The following FSTL5 variants were observed in gnomAD, a reference collection of about 807,000 sequenced individuals.
FSTL5 encodes the protein follistatin-related protein 5.
FSTL5 carries 62 observed loss-of-function variants against 89.1 expected under a neutral mutation model. That is an observed-to-expected ratio of 0.70 (90% confidence interval 0.57 to 0.86). The LOEUF is 0.86. FSTL5 is among the 40% of genes least tolerant of loss of function. FSTL5 has a pLI of 0.00. For synonymous variants in FSTL5, 383 were observed against 346.2 expected (o/e 1.11, Z -1.18); for missense variants, 1,057 against 1,001.6 (o/e 1.06, Z -0.75).
At chr4:161,463,357 T>G (rs1488392131) in intron 13 of FSTL5, among the ~76,000 whole-genome samples, 1 of 152,186 alleles carries the variant, frequency 6.6e-6, no homozygotes, top group African/African-American at 2.4e-5. Context: ...ATAACATACT[T>G]TATTTGGAAA....
intron 12 of FSTL5, among the ~76,000 whole-genome samples, chr4:161,492,374 G>T (rs1729910150): frequency 6.6e-6 from 1 of 151,940 alleles, no homozygotes; most frequent in South Asian, 2.1e-4. Context: ...TACTGTAGAG[G>T]TATACCATGA....
At chr4:161,634,032 A>C (rs1735599250) in intron 7 of FSTL5, among the ~76,000 whole-genome samples, 1 of 152,242 alleles carries the variant, frequency 6.6e-6, no homozygotes, top group South Asian at 2.1e-4. Context: ...ACGTATACAC[A>C]AATCAACATT....
chr4:161,721,183 C>T (rs1739195424), intron 6 of FSTL5, among the ~76,000 whole-genome samples: 1 of 147,102 alleles, frequency 6.8e-6, no homozygotes, highest in Non-Finnish European at 1.5e-5. Flanking sequence ...GAGGCTGAGG[C>T]AGGAGAATGG....
At chr4:161,838,032 C>A (rs1731099571) in intron 4 of FSTL5, among the ~76,000 whole-genome samples, 1 of 152,026 alleles carries the variant, frequency 6.6e-6, no homozygotes, top group African/African-American at 2.4e-5. Flanking sequence ...CTATGTATTT[C>A]TTCTATTTTG....
intron 3 of FSTL5, among the ~76,000 whole-genome samples, chr4:162,026,602 A>ATT (rs931472660): frequency 1.3e-5 from 2 of 151,734 alleles, no homozygotes; most frequent in African/African-American, 4.8e-5. Flanking sequence ...GCTTATATAT[A>ATT]TTTTTTTACA....
chr4:162,026,022 T>A (rs763304163), intron 3 of FSTL5, among the ~76,000 whole-genome samples: 46 of 151,614 alleles, frequency 3.0e-4, no homozygotes, highest in Admixed American at 3.9e-4. Context: ...CCAAATTTCA[T>A]GTTTATAGTG....
At position 161,713,701 on chromosome 4, in the gene FSTL5, T is replaced by G. The variant is rs575135362; in HGVS notation, c.727+45710A>C. ...CTCTACATATATTTAGGGTTTTGTA[T>G]TAGTTACATTATTCTCTATATGGTG... On this transcript the variant is annotated intron_variant, in intron 6 of 15. Transcript: ENST00000306100. Among the ~76,000 whole-genome samples, 4 of 152,222 alleles carry G rather than the reference T, an allele frequency of 2.6e-5. No homozygotes were observed. The East Asian group carries it at 5.8e-4, about 22-fold the overall frequency.
chr4:161,592,552 C>T (rs985879371), intron 7 of FSTL5, among the ~76,000 whole-genome samples: 2 of 151,296 alleles, frequency 1.3e-5, no homozygotes, highest in Admixed American at 1.3e-4. Flanking sequence ...TGTTAGTTTG[C>T]TGAGAATGAT....
chr4:161,530,459 T>A lies in FSTL5; in HGVS notation c.1312+7707A>T, dbSNP rs1248682899. Among the ~76,000 whole-genome samples, 5 of 147,132 alleles carry A rather than the reference T, an allele frequency of 3.4e-5. 1 individual carries two copies. Among genetic ancestry groups the A allele is most frequent in the East Asian group, 4.3e-4 (2 of 4,616 alleles). On this transcript the variant is annotated intron_variant, in intron 10 of 15. Transcript: ENST00000306100. ...CTTTAGCCATTTGAAATGTGTTTTT[T>A]AAAAAATCTTCAAGTTGTTTTATTT...
At chr4:161,695,763 C>G (rs1275367390) in intron 6 of FSTL5, among the ~76,000 whole-genome samples, 1 of 151,988 alleles carries the variant, frequency 6.6e-6, no homozygotes, top group East Asian at 1.9e-4. Flanking sequence ...TGCAGGTCTT[C>G]TTTTGAGAAC....
chr4:162,161,021 A>G (rs1335441632), intron 1 of FSTL5, among the ~76,000 whole-genome samples: 1 of 151,940 alleles, frequency 6.6e-6, no homozygotes, highest in African/African-American at 2.4e-5. Flanking sequence ...TTGAGAAACA[A>G]TTTAAAAAGA....
intron 10 of FSTL5, among the ~76,000 whole-genome samples, chr4:161,530,684 T>C (rs1249741310): frequency 6.6e-6 from 1 of 152,008 alleles, no homozygotes; most frequent in Non-Finnish European, 1.5e-5. Context: ...TATTATAATA[T>C]ATTTAGACAT....
chr4:161,661,277 G>A (rs900053943), intron 6 of FSTL5, among the ~76,000 whole-genome samples: 3 of 151,984 alleles, frequency 2.0e-5, no homozygotes, highest in African/African-American at 4.8e-5. Context: ...ATAGACTTAC[G>A]TTAAATATTT....
chr4:161,753,183 C>T, intron 6 of FSTL5, among the ~76,000 whole-genome samples: 1 of 152,130 alleles, frequency 6.6e-6, no homozygotes, highest in Non-Finnish European at 1.5e-5. Context: ...TTATTTCTGG[C>T]TGAGGTCACC....
At chr4:161,783,600 T>TCC (rs1741747503) in intron 4 of FSTL5, among the ~76,000 whole-genome samples, 3 of 10,948 alleles carry the variant, frequency 2.7e-4, no homozygotes, top group Non-Finnish European at 2.5e-4. Context: ...TTCCTTGCCT[T>TCC]TCTTTCTTTC....
chr4:162,126,237 G>C (rs1732075101), intron 1 of FSTL5, among the ~76,000 whole-genome samples: 1 of 151,826 alleles, frequency 6.6e-6, no homozygotes, highest in Non-Finnish European at 1.5e-5. Flanking sequence ...TTCAATGTGG[G>C]CCAATAAAAG....
At chr4:161,419,435 A>G (rs987876735) in intron 15 of FSTL5, among the ~76,000 whole-genome samples, 2 of 152,216 alleles carry the variant, frequency 1.3e-5, no homozygotes, top group African/African-American at 4.8e-5. Context: ...TAAAGAAAGA[A>G]AAAAGGAAGA....
chr4:161,459,732 A>T (rs184822260), intron 13 of FSTL5, among the ~76,000 whole-genome samples: 1 of 152,134 alleles, frequency 6.6e-6, no homozygotes, highest in Non-Finnish European at 1.5e-5. Flanking sequence ...AACTATGTTT[A>T]CACTATTAGA....
intron 7 of FSTL5, among the ~76,000 whole-genome samples, chr4:161,611,348 G>T (rs1734643157): frequency 6.7e-6 from 1 of 148,854 alleles, no homozygotes; most frequent in African/African-American, 2.5e-5. Flanking sequence ...AATTTATCAA[G>T]AAAATCGAGA....
Sources: allele counts gnomAD v4.1 joint callset (sites outside exome capture counted in the v4.1 genomes callset), GRCh38; gene constraint gnomAD v4.1.1; transcripts MANE v1.5; gene names NCBI Gene and HGNC (gene_info 2026-07-23, HGNC 2026-07-21).